NLGN1: variants seen among roughly 807,000 people sequenced by gnomAD.
NLGN1 encodes neuroligin 1, also known as neuroligin-1.
In NLGN1, 12 loss-of-function variants were observed where a neutral mutation model predicts 65.5. The ratio of observed to expected loss-of-function variants is 0.18; its 90% CI spans 0.12 to 0.30. The LOEUF is 0.30. NLGN1 is among the 10% of genes least tolerant of loss of function. NLGN1 has a pLI of 1.00. For synonymous variants in NLGN1, 350 were observed against 359.5 expected (o/e 0.97, Z 0.30); for missense variants, 750 against 1,007.1 (o/e 0.74, Z 3.46).
chr3:173,414,650 C>T (rs1713310433), intron 1 of NLGN1, among the ~76,000 whole-genome samples: 1 of 150,816 alleles, frequency 6.6e-6, no homozygotes, highest in African/African-American at 2.4e-5. Context: ...AAGGGATCTA[C>T]AGCAATGTGT....
chr3:173,679,667 A>T (rs1364905944), intron 3 of NLGN1, among the ~76,000 whole-genome samples: 7 of 152,140 alleles, frequency 4.6e-5, no homozygotes, highest in Non-Finnish European at 7.4e-5. Flanking sequence ...GTGTTACAGC[A>T]AAATAATATT....
At chr3:173,556,087 G>T (rs1244039315) in intron 2 of NLGN1, among the ~76,000 whole-genome samples, 1 of 151,996 alleles carries the variant, frequency 6.6e-6, no homozygotes, top group African/African-American at 2.4e-5. Context: ...TTCACCTAAC[G>T]TCCCTACTAT....
chr3:173,950,179 C>T (rs995842201), intron 4 of NLGN1, among the ~76,000 whole-genome samples: 19 of 152,016 alleles, frequency 1.2e-4, no homozygotes, highest in Admixed American at 3.3e-4. Flanking sequence ...AACTATTGAA[C>T]AAATGGAACT....
intron 3 of NLGN1, among the ~76,000 whole-genome samples, chr3:173,780,102 A>T (rs1407797023): frequency 6.6e-6 from 1 of 152,166 alleles, no homozygotes; most frequent in Non-Finnish European, 1.5e-5. Context: ...GGAATATATA[A>T]TTTGTTCTTT....
chr3:173,573,193 C>T (rs901175588), intron 2 of NLGN1, among the ~76,000 whole-genome samples: 2 of 152,050 alleles, frequency 1.3e-5, no homozygotes, highest in Admixed American at 6.5e-5. Context: ...CAGTTTAATC[C>T]GTTGCTAGCA....
chr3:174,220,860 C>G (rs907565886), intron 4 of NLGN1, among the ~76,000 whole-genome samples: 11 of 152,152 alleles, frequency 7.2e-5, no homozygotes, highest in African/African-American at 1.7e-4. Context: ...AGCAACACGT[C>G]TGCAATCTGC....
intron 4 of NLGN1, among the ~76,000 whole-genome samples, chr3:174,159,433 ATAT>A (rs1227855509): frequency 6.6e-6 from 1 of 151,790 alleles, no homozygotes; most frequent in African/African-American, 2.4e-5. Flanking sequence ...GTGTCATATT[ATAT>A]TCACTAAACC....
In NLGN1 at chr3:173,859,451, C is replaced by T. The variant is rs1357294411; in HGVS notation, c.646+51619C>T. 1.3e-5 allele frequency among the ~76,000 whole-genome samples: 2 copies of T among 152,022 alleles called. 1 individual carries two copies. ...GTCCATACCATTAGCAGGCTACACCCAATGTATTCAGAGAGAACCCCGATG... is the reference window on the plus strand; with the variant it reads ...GTCCATACCATTAGCAGGCTACACCTAATGTATTCAGAGAGAACCCCGATG... On this transcript the variant is annotated intron_variant, in intron 4 of 6. Transcript: ENST00000457714.
intron 3 of NLGN1, among the ~76,000 whole-genome samples, chr3:173,747,801 CTTTTTTTTTTTTTTTTTTT>C (rs749749824): frequency 1.6e-5 from 1 of 64,422 alleles, no homozygotes; most frequent in African/African-American, 6.2e-5. Context: ...TCTTCTTGTT[CTTTTTTTTTTTTTTTTTTT>C]TTTTTTTTTT....
At chr3:173,626,981 C>G (rs530779379) in intron 3 of NLGN1, among the ~76,000 whole-genome samples, 1 of 152,076 alleles carries the variant, frequency 6.6e-6, no homozygotes, top group African/African-American at 2.4e-5. Context: ...TCAAGTCACT[C>G]CTTGAAAGTC....
intron 4 of NLGN1, among the ~76,000 whole-genome samples, chr3:174,037,148 C>T (rs980973092): frequency 3.9e-5 from 6 of 152,108 alleles, no homozygotes; most frequent in Non-Finnish European, 7.3e-5. Context: ...AGAGATATTT[C>T]TGTTTTTAGG....
chr3:173,707,701 T>G (rs1171951934), intron 3 of NLGN1, among the ~76,000 whole-genome samples: 1 of 151,906 alleles, frequency 6.6e-6, no homozygotes. Flanking sequence ...GAAAGAAAAA[T>G]AAGCTCACAA....
chr3:174,045,270 G>A (rs1171646043), intron 4 of NLGN1, among the ~76,000 whole-genome samples: 1 of 152,130 alleles, frequency 6.6e-6, no homozygotes, highest in Non-Finnish European at 1.5e-5. Flanking sequence ...AGGGATGGAA[G>A]GAAGAAATAG....
chr3:174,125,978 C>T (rs952524031), intron 4 of NLGN1, among the ~76,000 whole-genome samples: 2 of 152,114 alleles, frequency 1.3e-5, no homozygotes, highest in African/African-American at 4.8e-5. Context: ...TTACATCTAA[C>T]TTTTAGTCTC....
At chr3:173,532,829 T>C (rs1736811007) in intron 2 of NLGN1, among the ~76,000 whole-genome samples, 1 of 152,224 alleles carries the variant, frequency 6.6e-6, no homozygotes, top group South Asian at 2.1e-4. Flanking sequence ...TTCTCCCTGA[T>C]ACTCCATGTT....
At chr3:173,799,356 GCCCTTTGACGTC>G (rs1030687735) in intron 3 of NLGN1, among the ~76,000 whole-genome samples, 13 of 152,010 alleles carry the variant, frequency 8.6e-5, no homozygotes, top group Non-Finnish European at 1.9e-4. Context: ...ACTTTCATAT[GCCCTTTGACGTC>G]CCCTTTGGTG....
intron 4 of NLGN1, among the ~76,000 whole-genome samples, chr3:174,235,032 C>T (rs1022536249): frequency 5.4e-5 from 5 of 92,564 alleles, no homozygotes; most frequent in African/African-American, 9.1e-5. Flanking sequence ...AAGAGTACCA[C>T]CATTCTAGTG....
At chr3:173,541,226 A>C (rs948574119) in intron 2 of NLGN1, among the ~76,000 whole-genome samples, 1 of 152,168 alleles carries the variant, frequency 6.6e-6, no homozygotes, top group South Asian at 2.1e-4. Context: ...CACTAAAAGT[A>C]TTTTCCTTAT....
At chr3:173,726,969 G>A (rs1262024115) in intron 3 of NLGN1, among the ~76,000 whole-genome samples, 2 of 150,346 alleles carry the variant, frequency 1.3e-5, no homozygotes, top group African/African-American at 2.4e-5. Flanking sequence ...AGAAGAAGAA[G>A]AAAAAATAAT....
Sources: allele counts gnomAD v4.1 joint callset (sites outside exome capture counted in the v4.1 genomes callset), GRCh38; gene constraint gnomAD v4.1.1; transcripts MANE v1.5; gene names NCBI Gene and HGNC (gene_info 2026-07-23, HGNC 2026-07-21).